The following PLEKHA2 variants were observed in gnomAD, a reference collection of about 807,000 sequenced individuals.
PLEKHA2 encodes the protein pleckstrin homology domain-containing family A member 2.
Under a neutral mutation model 53.2 loss-of-function variants are expected in PLEKHA2, and 28 were observed. The observed-to-expected ratio is 0.53, with a 90% confidence interval of 0.39 to 0.72. The LOEUF (loss-of-function observed/expected upper bound fraction) is 0.72, where lower values mean the gene tolerates loss of function less well. Ranked by LOEUF, PLEKHA2 falls within the 30% of genes least tolerant of loss-of-function variation. The pLI is 0.00. For synonymous variants in PLEKHA2, 193 were observed against 196.4 expected (o/e 0.98, Z 0.14); for missense variants, 426 against 537.9 (o/e 0.79, Z 2.06).
At position 38,973,329 on chromosome 8, in the gene PLEKHA2, AG is replaced by A. The variant is rs1835286279; in HGVS notation, c.*3547del. ...AAGTAGTTTTAAGGTCCAGCTTCTT[AG>A]TCTACTTGAAGCAAATTTTTTTTCT... On this transcript the variant is annotated 3_prime_UTR_variant, in exon 12 of 12. Coordinates refer to ENST00000617275, the MANE Select transcript of PLEKHA2 (RefSeq NM_021623.2). 6.6e-6 allele frequency: 1 copy of A among 152,104 alleles called. No individual in the cohort carries two copies. Among genetic ancestry groups the A allele is most frequent in the South Asian group, 2.1e-4 (1 of 4,808 alleles). 9.4% of individuals were successfully genotyped at this position (152,104 alleles called of 1,614,324 possible).
chr8:38,949,802 A>G (rs1834792389), intron 5 of PLEKHA2, among the ~76,000 whole-genome samples: 1 of 152,234 alleles, frequency 6.6e-6, no homozygotes. Context: ...GATGGTTATG[A>G]TAAATATTAT....
At position 38,940,696 on chromosome 8, in the gene PLEKHA2, T is replaced by C. The variant is rs145040510; in HGVS notation, c.199-3093T>C. Among the ~76,000 whole-genome samples the C allele has an allele frequency of 3.5e-3, 517 of 147,336 alleles. 7 individuals are homozygous for C. Among genetic ancestry groups the C allele is most frequent in the African/African-American group, 0.012 (494 of 39,716 alleles). Reference sequence around the variant, plus strand: ...CCAGGAAGCAAGATGTCTAGGGGCCTGGACTATTGTGTTATGGAGCCACCA... The same window carrying C: ...CCAGGAAGCAAGATGTCTAGGGGCCCGGACTATTGTGTTATGGAGCCACCA... On this transcript the variant is annotated intron_variant, in intron 3 of 11. Transcript: ENST00000617275.
chr8:38,924,104 G>A (rs1474141889), intron 2 of PLEKHA2, among the ~76,000 whole-genome samples: 4 of 152,086 alleles, frequency 2.6e-5, no homozygotes, highest in South Asian at 2.1e-4. Context: ...CACCCACCTC[G>A]GCATCCAAAG....
At chr8:38,905,834 G>A (rs1469503152) in intron 1 of PLEKHA2, among the ~76,000 whole-genome samples, 1 of 151,988 alleles carries the variant, frequency 6.6e-6, no homozygotes, top group African/African-American at 2.4e-5. Flanking sequence ...ACAGGCGCAT[G>A]CCACCACGCC....
chr8:38,944,767 C>T (rs1834677916), intron 4 of PLEKHA2, among the ~76,000 whole-genome samples: 1 of 152,182 alleles, frequency 6.6e-6, no homozygotes, highest in South Asian at 2.1e-4. Context: ...GGTAGGGACA[C>T]AGATTTGGGT....
chr8:38,911,693 G>A (rs978198999), intron 1 of PLEKHA2, among the ~76,000 whole-genome samples: 4 of 152,230 alleles, frequency 2.6e-5, no homozygotes, highest in African/African-American at 9.6e-5. Context: ...TGAAATTTAA[G>A]GCTGGGTGTG....
At chr8:38,908,556 A>G (rs10110562) in intron 1 of PLEKHA2, among the ~76,000 whole-genome samples, 33,507 of 152,208 alleles carry the variant, frequency 0.22, 3,781 homozygotes, top group African/African-American at 0.26. Flanking sequence ...ATAAAGTAAC[A>G]CATGCTCCCT....
chr8:38,918,457 A>G (rs1834106242), intron 2 of PLEKHA2, among the ~76,000 whole-genome samples: 1 of 139,140 alleles, frequency 7.2e-6, no homozygotes, highest in Non-Finnish European at 1.5e-5. Context: ...CCCATACACC[A>G]TACACACATG....
At chr8:38,932,482 G>C (rs992540779) in intron 2 of PLEKHA2, among the ~76,000 whole-genome samples, 4 of 152,146 alleles carry the variant, frequency 2.6e-5, no homozygotes, top group African/African-American at 7.2e-5. Flanking sequence ...CCAGGGAAGA[G>C]GGGGGACAGC....
intron 3 of PLEKHA2, among the ~76,000 whole-genome samples, chr8:38,941,055 C>CT (rs33938196): frequency 5.7e-4 from 80 of 140,012 alleles, no homozygotes; most frequent in Admixed American, 1.6e-3. Context: ...TCTAAGGTAT[C>CT]TTTTTTTTTT....
chr8:38,960,804 A>C (rs1835027807), intron 10 of PLEKHA2: 1 of 152,218 alleles, frequency 6.6e-6, no homozygotes, highest in South Asian at 2.1e-4. Context: ...AAACTTGACA[A>C]ATGTTAATTT....
intron 2 of PLEKHA2, among the ~76,000 whole-genome samples, chr8:38,920,851 A>C (rs1834177164): frequency 6.6e-6 from 1 of 150,446 alleles, no homozygotes; most frequent in Admixed American, 6.6e-5. Flanking sequence ...CCCACGCTGG[A>C]GTGCAATGGC....
At chr8:38,932,022 G>A (rs761645697) in intron 2 of PLEKHA2, among the ~76,000 whole-genome samples, 78 of 151,856 alleles carry the variant, frequency 5.1e-4, no homozygotes, top group Admixed American at 3.3e-3. Flanking sequence ...TCAGGGCCTC[G>A]CCCTGTTACT....
intron 8 of PLEKHA2, 40 bp from the exon 9 acceptor site, chr8:38,953,257 A>T: frequency 6.5e-7 from 1 of 1,535,062 alleles, no homozygotes; most frequent in Non-Finnish European, 9.0e-7. Context: ...GATATGACAC[A>T]GACAGCCTCA....
intron 4 of PLEKHA2, among the ~76,000 whole-genome samples, 199 bp downstream of exon 4, chr8:38,944,036 G>C (rs537667615): frequency 2.6e-5 from 4 of 152,014 alleles, no homozygotes; most frequent in African/African-American, 7.2e-5. Context: ...AAGGACAGAG[G>C]TTCAGGGACT....
chr8:38,962,308 G>A (rs1835054884), intron 10 of PLEKHA2, among the ~76,000 whole-genome samples: 1 of 152,118 alleles, frequency 6.6e-6, no homozygotes, highest in African/African-American at 2.4e-5. Context: ...CAGCAACCCA[G>A]TGAGACCCCT....
At chr8:38,931,227 G>A (rs186348007) in intron 2 of PLEKHA2, among the ~76,000 whole-genome samples, 5 of 152,070 alleles carry the variant, frequency 3.3e-5, no homozygotes, top group South Asian at 4.1e-4. Flanking sequence ...GCAGTGAGCC[G>A]AGATCATGCC....
intron 8 of PLEKHA2, among the ~76,000 whole-genome samples, chr8:38,952,907 G>A (rs889057767): frequency 7.9e-5 from 12 of 152,192 alleles, no homozygotes; most frequent in Admixed American, 5.9e-4. Context: ...TGTGGTCAGA[G>A]TCATAGCTAC....
chr8:38,933,717 C>T (rs1206522933), intron 2 of PLEKHA2, among the ~76,000 whole-genome samples: 3 of 139,302 alleles, frequency 2.2e-5, no homozygotes, highest in African/African-American at 8.0e-5. Flanking sequence ...GCTGGGGCTC[C>T]TATGTGGACT....
Sources: gnomAD v4.1 joint callset for allele counts (sites outside exome capture counted in the v4.1 genomes callset) on GRCh38, gnomAD v4.1.1 for gene constraint, MANE v1.5 for transcripts, NCBI Gene and HGNC (gene_info 2026-07-23, HGNC 2026-07-21) for gene names.